The following SLC25A43 variants were observed in gnomAD, a reference collection of about 807,000 sequenced individuals.
The protein encoded by SLC25A43 is solute carrier family 25, member 43.
Under a neutral mutation model 22.8 loss-of-function variants are expected in SLC25A43, and 10 were observed. The observed-to-expected ratio is 0.44, with a 90% CI of 0.27 to 0.74. The LOEUF is 0.74. Ranked by LOEUF, SLC25A43 falls within the 30% of genes least tolerant of loss-of-function variation. The probability of loss-of-function intolerance (pLI) is 0.17; values close to 1 mark genes in which losing one functional copy is unlikely to be tolerated. For synonymous variants in SLC25A43, 106 were observed against 121.6 expected, an observed-to-expected ratio of 0.87 and a Z score of 0.84; for missense variants, 233 against 279.1, an observed-to-expected ratio of 0.83 and a Z score of 1.18.
intron 3 of SLC25A43, among the ~76,000 whole-genome samples, chrX:119,444,729 G>T (rs1603299210): frequency 1.0e-5 from 1 of 99,895 alleles, no homozygotes; most frequent in East Asian, 3.3e-4. Context: ...AGAAGAAATT[G>T]AAGCTCAGAG....
intron 3 of SLC25A43, among the ~76,000 whole-genome samples, chrX:119,448,132 C>G (rs1425278286): frequency 9.0e-6 from 1 of 111,580 alleles, no homozygotes; most frequent in Non-Finnish European, 1.9e-5. Flanking sequence ...TGACTCTCCT[C>G]TCACACCCTC....
chrX:119,399,773 C>A, intron 1 of SLC25A43, 95 bp downstream of exon 1: 1 of 912,477 alleles, frequency 1.1e-6, no homozygotes, highest in Non-Finnish European at 1.4e-6. Context: ...GGACTCGGGG[C>A]CCTGGAGTAG....
intron 3 of SLC25A43, among the ~76,000 whole-genome samples, chrX:119,430,518 A>G (rs192789770): frequency 4.5e-5 from 5 of 112,019 alleles, no homozygotes; most frequent in Non-Finnish European, 9.4e-5. Context: ...TTTGTCTCCC[A>G]GGCACTCTCA....
At chrX:119,408,024 C>T (rs1473032306) in intron 2 of SLC25A43, among the ~76,000 whole-genome samples, 6 of 110,894 alleles carry the variant, frequency 5.4e-5, no homozygotes, top group Non-Finnish European at 7.6e-5. Flanking sequence ...CACTGCTGCC[C>T]GGCTGAGGTG....
intron 3 of SLC25A43, among the ~76,000 whole-genome samples, chrX:119,422,648 G>T (rs1280195824): frequency 9.0e-6 from 1 of 111,487 alleles, no homozygotes; most frequent in Non-Finnish European, 1.9e-5. Flanking sequence ...CCAAGTCCGT[G>T]TGGTTGTACC....
intron 4 of SLC25A43, among the ~76,000 whole-genome samples, chrX:119,452,392 C>T (rs754585436): frequency 4.7e-4 from 51 of 109,426 alleles, no homozygotes; most frequent in Non-Finnish European, 9.3e-4. Flanking sequence ...TGTGGAGGTT[C>T]ATGGGCCCCT....
At chrX:119,442,184 C>T (rs1344939537) in intron 3 of SLC25A43, among the ~76,000 whole-genome samples, 3 of 112,508 alleles carry the variant, frequency 2.7e-5, no homozygotes, top group East Asian at 2.8e-4. Flanking sequence ...AATCCACATG[C>T]GCAGTGGTGC....
At chrX:119,444,498 G>T (rs2052648297) in intron 3 of SLC25A43, among the ~76,000 whole-genome samples, 1 of 108,238 alleles carries the variant, frequency 9.2e-6, no homozygotes, top group South Asian at 4.1e-4. Context: ...GAGGTCGAGA[G>T]ATCGAGATCA....
At chrX:119,433,857 C>CA (rs2052575309) in intron 3 of SLC25A43, among the ~76,000 whole-genome samples, 1 of 111,950 alleles carries the variant, frequency 8.9e-6, no homozygotes. Context: ...TCAGGCTGAG[C>CA]AGTAGGCAGA....
At position 119,404,276 on chromosome X, in the gene SLC25A43, C is replaced by T. The variant is rs779755830; in HGVS notation, c.276-2184C>T. 2.2e-3 allele frequency among the ~76,000 whole-genome samples: 251 copies of T among 111,921 alleles called. 1 individual carries two copies. Among genetic ancestry groups the T allele is most frequent in the African/African-American group, 7.8e-3 (241 of 30,834 alleles). On this transcript the variant is annotated intron_variant, in intron 1 of 4. Transcript: ENST00000217909. Reference sequence around the variant, plus strand: ...TCGGCCTCCCAAAGTGCTGGGATTACAGGCATGAGACGCCATGCCTAGCCA... The same window carrying T: ...TCGGCCTCCCAAAGTGCTGGGATTATAGGCATGAGACGCCATGCCTAGCCA...
chrX:119,419,534 C>T (rs1199389341), intron 3 of SLC25A43, among the ~76,000 whole-genome samples: 1 of 111,630 alleles, frequency 9.0e-6, no homozygotes, highest in East Asian at 2.8e-4. Context: ...ACAGTCACTT[C>T]ATTCATTCCC....
rs2052213644 is a variant in SLC25A43 at position 119,399,349 on chromosome X, G to C, written c.-55G>C. The C allele has an allele frequency of 1.1e-6, 1 of 878,803 alleles. No homozygotes were observed. Among genetic ancestry groups the C allele is most frequent in the African/African-American group, 2.1e-5 (1 of 47,120 alleles). 72.4% of individuals were successfully genotyped at this position (878,803 alleles called of 1,213,427 possible). Reference sequence around the variant, plus strand: ...CTGGGGCCCGCCACCTCCGCCCGTGGCCGGAGAGCCCCAGGCCCGAGCCAC... The same window carrying C: ...CTGGGGCCCGCCACCTCCGCCCGTGCCCGGAGAGCCCCAGGCCCGAGCCAC... On this transcript the variant is annotated 5_prime_UTR_variant, in exon 1 of 5. Transcript: ENST00000217909.
At chrX:119,446,408 T>C (rs2052668967) in intron 3 of SLC25A43, among the ~76,000 whole-genome samples, 3 of 111,964 alleles carry the variant, frequency 2.7e-5, no homozygotes, top group African/African-American at 9.7e-5. Context: ...TGTATGACCT[T>C]GGTCAAATCA....
chrX:119,424,129 C>T (rs1397466297), intron 3 of SLC25A43, among the ~76,000 whole-genome samples: 1 of 107,264 alleles, frequency 9.3e-6, no homozygotes, highest in African/African-American at 3.4e-5. Flanking sequence ...AGGAGAATGC[C>T]GCGAACCTGG....
intron 3 of SLC25A43, among the ~76,000 whole-genome samples, chrX:119,420,289 CTTTT>C (rs58312594): frequency 3.3e-5 from 3 of 92,279 alleles, no homozygotes; most frequent in African/African-American, 8.1e-5. Context: ...GCGTTAGATC[CTTTT>C]TTTTTTTTTT....
rs963243651 is a variant in SLC25A43, at chrX:119,399,537, T to C, written c.134T>C (p.Val45Ala). Residue 45 changes from valine (V) to alanine (A), a missense_variant, in exon 1 of 5, where the codon GTG becomes GCG. Coordinates refer to ENST00000217909, the MANE Select transcript of SLC25A43 (RefSeq NM_145305.3). ...LATVLAQVGV[V>A]RGHARGPWAT... is the part of the protein sequence containing the mutation. Reference sequence around the variant, plus strand: ...ACCGTGCTGGCCCAGGTTGGCGTCGTGCGAGGCCACGCCCGGGGACCGTGG... The same window carrying C: ...ACCGTGCTGGCCCAGGTTGGCGTCGCGCGAGGCCACGCCCGGGGACCGTGG... 6.7e-5 allele frequency: 73 copies of C among 1,083,154 alleles called. No homozygotes were observed. In the Middle Eastern group the frequency reaches 9.7e-4, roughly 14 times the overall value. 89.3% of individuals were successfully genotyped at this position (1,083,154 alleles called of 1,213,427 possible). A position where few individuals can be genotyped will look rare whatever the true frequency, so the allele number is the denominator to read the frequency against.
chrX:119,442,728 CTT>C (rs951080758), intron 3 of SLC25A43, among the ~76,000 whole-genome samples: 3 of 112,303 alleles, frequency 2.7e-5, no homozygotes, highest in Non-Finnish European at 5.6e-5. Flanking sequence ...TCTACAATGT[CTT>C]GTGAAGAGAG....
chrX:119,418,523 T>G (rs2052425955), intron 3 of SLC25A43, among the ~76,000 whole-genome samples: 1 of 112,194 alleles, frequency 8.9e-6, no homozygotes, highest in Non-Finnish European at 1.9e-5. Context: ...CTTAATATGC[T>G]TTTCTCTAGA....
At chrX:119,445,021 G>C (rs942670616) in intron 3 of SLC25A43, among the ~76,000 whole-genome samples, 2 of 75,037 alleles carry the variant, frequency 2.7e-5, no homozygotes, top group Non-Finnish European at 4.6e-5. Context: ...CTGGGTGACA[G>C]AGTAAGACCC....
Sources: gnomAD v4.1 joint callset for allele counts (sites outside exome capture counted in the v4.1 genomes callset) on GRCh38, gnomAD v4.1.1 for gene constraint, MANE v1.5 for transcripts, NCBI Gene and HGNC (gene_info 2026-07-23, HGNC 2026-07-21) for gene names.